The following ELAPOR2 variants were observed in gnomAD, a reference collection of about 807,000 sequenced individuals.
ELAPOR2 encodes the protein endosome/lysosome-associated apoptosis and autophagy regulator family member 2.
A neutral mutation model predicts 120.7 loss-of-function variants in ELAPOR2; 89 were observed. The ratio of observed to expected loss-of-function variants is 0.74; its 90% CI spans 0.62 to 0.88. ELAPOR2 has a LOEUF of 0.88. Among genes scored for constraint, ELAPOR2 ranks in the 40% least tolerant of loss-of-function variants. The pLI is 0.00. For synonymous variants in ELAPOR2, 444 were observed against 444.9 expected (o/e 1.00, Z 0.03); for missense variants, 1,134 against 1,251.6 (o/e 0.91, Z 1.42).
At chr7:86,927,857 T>C (rs1057143445) in intron 8 of ELAPOR2, among the ~76,000 whole-genome samples, 51 of 152,018 alleles carry the variant, frequency 3.4e-4, no homozygotes, top group African/African-American at 1.1e-3. Flanking sequence ...CTTAAACATA[T>C]AATCTGCTAA....
chr7:87,056,031 T>C (rs368991688), intron 1 of ELAPOR2, among the ~76,000 whole-genome samples: 1 of 152,206 alleles, frequency 6.6e-6, no homozygotes, highest in Non-Finnish European at 1.5e-5. Flanking sequence ...TATCTTCTGA[T>C]ACCTTACTGC....
intron 16 of ELAPOR2, among the ~76,000 whole-genome samples, chr7:86,909,242 T>C (rs1264899790): frequency 1.3e-5 from 2 of 152,024 alleles, no homozygotes; most frequent in Non-Finnish European, 2.9e-5. Flanking sequence ...ATGAAGCTTG[T>C]TAAAACCACA....
chr7:86,981,744 C>T (rs538171650), intron 1 of ELAPOR2, among the ~76,000 whole-genome samples: 43 of 152,308 alleles, frequency 2.8e-4, no homozygotes, highest in Admixed American at 2.3e-3. Flanking sequence ...GCGTGATTGA[C>T]GCAGAAGACG....
intron 1 of ELAPOR2, among the ~76,000 whole-genome samples, chr7:87,051,284 G>T (rs1005308204): frequency 6.6e-6 from 1 of 152,110 alleles, no homozygotes; most frequent in African/African-American, 2.4e-5. Context: ...AGTTTGGGGT[G>T]CTTGAAGCCA....
At chr7:87,053,777 G>C (rs1389106599) in intron 1 of ELAPOR2, among the ~76,000 whole-genome samples, 1 of 152,226 alleles carries the variant, frequency 6.6e-6, no homozygotes, top group African/African-American at 2.4e-5. Flanking sequence ...GGCTTCCTCT[G>C]TGAGAGATGT....
chr7:86,940,176 T>C, intron 5 of ELAPOR2, 61 bp from the exon 6 acceptor site: 1 of 974,358 alleles, frequency 1.0e-6, no homozygotes, highest in Non-Finnish European at 1.6e-6. Flanking sequence ...CAAAAGCTAC[T>C]CCCTTACATA....
At chr7:86,964,298 T>A (rs1791826654) in intron 2 of ELAPOR2, among the ~76,000 whole-genome samples, 1 of 152,228 alleles carries the variant, frequency 6.6e-6, no homozygotes, top group Non-Finnish European at 1.5e-5. Context: ...AAAATAAATT[T>A]ACATTTACAT....
chr7:86,945,067 A>C, intron 3 of ELAPOR2, 21 bp from the exon 4 acceptor site: 1 of 1,544,866 alleles, frequency 6.5e-7, no homozygotes, highest in Middle Eastern at 1.7e-4. Context: ...AAAACCAAGA[A>C]GCACTTTACA....
chr7:86,933,378 C>CTAAT (rs1790416404), intron 8 of ELAPOR2, among the ~76,000 whole-genome samples: 1 of 151,934 alleles, frequency 6.6e-6, no homozygotes, highest in South Asian at 2.1e-4. Context: ...CCACCCTGCC[C>CTAAT]TAATTCTGCT....
chr7:87,000,536 G>A (rs150756042), intron 1 of ELAPOR2, among the ~76,000 whole-genome samples: 2,776 of 152,190 alleles, frequency 0.018, 40 homozygotes, highest in Non-Finnish European at 0.032. Context: ...TCTGAGCCAG[G>A]CATTTATTTT....
intron 2 of ELAPOR2, among the ~76,000 whole-genome samples, chr7:86,949,205 T>C (rs1373736881): frequency 1.3e-5 from 2 of 152,222 alleles, no homozygotes; most frequent in African/African-American, 4.8e-5. Context: ...GAATGTGGCA[T>C]GCTGGCTACA....
At chr7:86,914,684 G>A (rs1210868607) in intron 13 of ELAPOR2, 39 bp downstream of exon 13, 1 of 1,566,152 alleles carries the variant, frequency 6.4e-7, no homozygotes, top group Non-Finnish European at 8.6e-7. Flanking sequence ...GGCATCATTA[G>A]TGTGTTTAAA....
chr7:86,935,789 T>C (rs1156332421), intron 8 of ELAPOR2, among the ~76,000 whole-genome samples: 2 of 152,112 alleles, frequency 1.3e-5, no homozygotes, highest in East Asian at 3.9e-4. Context: ...AAATAACCAG[T>C]GCTCAGTAAA....
intron 1 of ELAPOR2, among the ~76,000 whole-genome samples, chr7:87,049,447 A>C (rs1318661279): frequency 6.6e-6 from 1 of 151,954 alleles, no homozygotes; most frequent in Non-Finnish European, 1.5e-5. Context: ...ATGCCTGGCT[A>C]ATTTTTTGTA....
intron 1 of ELAPOR2, among the ~76,000 whole-genome samples, chr7:86,977,312 C>T (rs1221358650): frequency 1.3e-5 from 2 of 152,280 alleles, no homozygotes; most frequent in East Asian, 3.9e-4. Flanking sequence ...TAAAGCCTGT[C>T]CTCATGACCA....
chr7:86,914,390 C>T (rs74921075), intron 13 of ELAPOR2, among the ~76,000 whole-genome samples: 5,652 of 152,094 alleles, frequency 0.037, 353 homozygotes, highest in African/African-American at 0.13. Flanking sequence ...AAGAAAGTTG[C>T]CCATCTTCAC....
At chr7:87,004,854 A>G (rs970456416) in intron 1 of ELAPOR2, among the ~76,000 whole-genome samples, 5 of 152,150 alleles carry the variant, frequency 3.3e-5, no homozygotes, top group Non-Finnish European at 7.4e-5. Context: ...TCTCTAAAGA[A>G]TATCAGACCC....
intron 1 of ELAPOR2, among the ~76,000 whole-genome samples, chr7:87,006,931 T>C (rs1278718311): frequency 6.6e-6 from 1 of 152,120 alleles, no homozygotes; most frequent in Non-Finnish European, 1.5e-5. Context: ...AAACATGATG[T>C]TGAGTGAAAG....
chr7:86,917,354 T>A (rs1584347326), intron 12 of ELAPOR2, among the ~76,000 whole-genome samples: 1 of 151,928 alleles, frequency 6.6e-6, no homozygotes, highest in Non-Finnish European at 1.5e-5. Flanking sequence ...GAGGCAGAGG[T>A]TGCAGTGAGC....
Sources: gnomAD v4.1 joint callset for allele counts (sites outside exome capture counted in the v4.1 genomes callset) on GRCh38, gnomAD v4.1.1 for gene constraint, MANE v1.5 for transcripts, NCBI Gene and HGNC (gene_info 2026-07-23, HGNC 2026-07-21) for gene names.